The following RTN4RL1 variants were observed in gnomAD, a reference collection of about 807,000 sequenced individuals.
RTN4RL1 encodes reticulon-4 receptor-like 1.
A neutral mutation model predicts 25.6 loss-of-function variants in RTN4RL1; 7 were observed. The observed-to-expected ratio is 0.27, with a 90% CI of 0.16 to 0.51. RTN4RL1 has a LOEUF of 0.51. RTN4RL1 is among the 20% of genes least tolerant of loss of function. The pLI, the probability that RTN4RL1 is intolerant of heterozygous loss-of-function variation, is 0.97. For missense variants in RTN4RL1, 500 were observed against 615.6 expected (o/e 0.81, Z 1.99); for synonymous variants, 297 against 288.2 (o/e 1.03, Z -0.31).
rs566979762 is a variant in RTN4RL1, at chr17:1,991,459, A to C, written c.13+33394T>G. Among the ~76,000 whole-genome samples, 27 of 146,342 alleles carry C rather than the reference A, an allele frequency of 1.8e-4. 1 individual carries two copies. Among genetic ancestry groups the C allele is most frequent in the Middle Eastern group, 3.5e-3 (1 of 286 alleles). On this transcript the variant is annotated intron_variant, in intron 1 of 1. Coordinates refer to ENST00000331238, the MANE Select transcript of RTN4RL1 (RefSeq NM_178568.4). ...ACATGCACATAGTAAAAAAAAAAAAAAAAACAAAAAAAAACTTCAAAGAAC... is the reference window on the plus strand; with the variant it reads ...ACATGCACATAGTAAAAAAAAAAAACAAAACAAAAAAAAACTTCAAAGAAC...
At chr17:1,939,436 G>A (rs1441491602) in intron 1 of RTN4RL1, among the ~76,000 whole-genome samples, 1 of 151,854 alleles carries the variant, frequency 6.6e-6, no homozygotes, top group African/African-American at 2.4e-5. Context: ...CTGTGTGGAT[G>A]TCCTGAGAGG....
chr17:2,008,909 T>C (rs540198805), intron 1 of RTN4RL1, among the ~76,000 whole-genome samples: 47 of 151,884 alleles, frequency 3.1e-4, no homozygotes, highest in African/African-American at 1.1e-3. Context: ...TTATCCAGGG[T>C]GTGGCTTCTC....
chr17:1,955,902 T>C (rs1915784133), intron 1 of RTN4RL1, among the ~76,000 whole-genome samples: 1 of 152,084 alleles, frequency 6.6e-6, no homozygotes, highest in African/African-American at 2.4e-5. Flanking sequence ...GACTTGCCAG[T>C]TGTGGAAAAC....
chr17:2,023,975 A>G (rs2067243451), intron 1 of RTN4RL1, among the ~76,000 whole-genome samples: 1 of 151,746 alleles, frequency 6.6e-6, no homozygotes, highest in Non-Finnish European at 1.5e-5. Flanking sequence ...CTGGGAGGGG[A>G]GAGGCAGACG....
At chr17:1,970,532 C>A (rs2066814201) in intron 1 of RTN4RL1, among the ~76,000 whole-genome samples, 1 of 152,166 alleles carries the variant, frequency 6.6e-6, no homozygotes, top group Non-Finnish European at 1.5e-5. Context: ...TGGGAAGGGG[C>A]CCTCGTGGGA....
chr17:1,989,036 T>C (rs1426373398), intron 1 of RTN4RL1, among the ~76,000 whole-genome samples: 1 of 152,196 alleles, frequency 6.6e-6, no homozygotes, highest in African/African-American at 2.4e-5. Context: ...TATGATCACA[T>C]CGTGTTCCCT....
chr17:2,024,115 A>C lies in RTN4RL1; in HGVS notation c.13+738T>G, dbSNP rs575709362. Among the ~76,000 whole-genome samples, 3 of 152,188 alleles carry C rather than the reference A, an allele frequency of 2.0e-5. No homozygotes were observed. The East Asian group carries it at 5.8e-4, about 30-fold the overall frequency. On this transcript the variant is annotated intron_variant, in intron 1 of 1. Coordinates refer to ENST00000331238, the MANE Select transcript of RTN4RL1 (RefSeq NM_178568.4). ...GCGGCGGGACTTCCCCGGTGCCCGCACCAACTTTGCCGCGCTCCGTACCGG... is the reference window on the plus strand; with the variant it reads ...GCGGCGGGACTTCCCCGGTGCCCGCCCCAACTTTGCCGCGCTCCGTACCGG...
intron 1 of RTN4RL1, among the ~76,000 whole-genome samples, chr17:1,956,248 C>T (rs4790849): frequency 0.17 from 26,568 of 152,128 alleles, 2,419 homozygotes; most frequent in Admixed American, 0.19. Flanking sequence ...GGTAAACAGG[C>T]ACTCGTCAAA....
At chr17:1,973,223 G>A (rs1597503395) in intron 1 of RTN4RL1, among the ~76,000 whole-genome samples, 1 of 151,982 alleles carries the variant, frequency 6.6e-6, no homozygotes, top group East Asian at 1.9e-4. Context: ...AAATTAGCCG[G>A]GCGTAGTGGC....
Position 1,935,456 on chromosome 17 carries a change from C to T in RTN4RL1, c.*1040G>A. The T allele has an allele frequency of 1.5e-6, 1 of 658,214 alleles. No individual in the cohort carries two copies. The highest frequency in any genetic ancestry group is 1.9e-6 in the Non-Finnish European group (1 of 530,786). 40.8% of individuals were successfully genotyped at this position (658,214 alleles called of 1,614,324 possible). ...GCTCTAAATATCTAAGAATATTGGTCCCCCAAAGTGACTCTTGCTGCCTCC... is the reference window on the plus strand; with the variant it reads ...GCTCTAAATATCTAAGAATATTGGTTCCCCAAAGTGACTCTTGCTGCCTCC... On this transcript the variant is annotated 3_prime_UTR_variant, in exon 2 of 2. Coordinates refer to ENST00000331238, the MANE Select transcript of RTN4RL1 (RefSeq NM_178568.4).
chr17:1,966,655 C>G (rs2066792785), intron 1 of RTN4RL1, among the ~76,000 whole-genome samples: 1 of 152,140 alleles, frequency 6.6e-6, no homozygotes, highest in Non-Finnish European at 1.5e-5. Context: ...GGACTGCCCC[C>G]ACCCACTAAC....
At chr17:1,945,179 C>T (rs1203640386) in intron 1 of RTN4RL1, among the ~76,000 whole-genome samples, 1 of 152,204 alleles carries the variant, frequency 6.6e-6, no homozygotes, top group Non-Finnish European at 1.5e-5. Flanking sequence ...GCCTCTTCCT[C>T]AGGTGCCCCA....
At chr17:1,952,330 TGG>T (rs1915699847) in intron 1 of RTN4RL1, among the ~76,000 whole-genome samples, 1 of 86,882 alleles carries the variant, frequency 1.2e-5, no homozygotes, top group Non-Finnish European at 2.8e-5. Context: ...CAAGGGAGGT[TGG>T]TTTTTTTTTT....
At chr17:2,023,329 C>T (rs1019921491) in intron 1 of RTN4RL1, among the ~76,000 whole-genome samples, 1 of 152,216 alleles carries the variant, frequency 6.6e-6, no homozygotes, top group African/African-American at 2.4e-5. Context: ...CTTTTTGTCC[C>T]TTTCTGCAGG....
chr17:1,939,638 G>T (rs568134644), intron 1 of RTN4RL1, among the ~76,000 whole-genome samples: 1 of 152,278 alleles, frequency 6.6e-6, no homozygotes, highest in South Asian at 2.1e-4. Context: ...CATTAATTAG[G>T]CATTCGTTAA....
intron 1 of RTN4RL1, among the ~76,000 whole-genome samples, chr17:1,970,019 C>CTTTTTTTTT (rs59804703): frequency 1.4e-5 from 1 of 72,188 alleles, no homozygotes. Flanking sequence ...CTCTCTCTCT[C>CTTTTTTTTT]TTTTTTTTTT....
At chr17:1,964,788 CTTTTTTTT>C (rs34138766) in intron 1 of RTN4RL1, among the ~76,000 whole-genome samples, 2 of 124,716 alleles carry the variant, frequency 1.6e-5, no homozygotes, top group Non-Finnish European at 3.3e-5. Context: ...CTTTTCTTTT[CTTTTTTTT>C]TTTTTTTTTT....
At chr17:2,008,774 T>C (rs1467290938) in intron 1 of RTN4RL1, among the ~76,000 whole-genome samples, 1 of 152,044 alleles carries the variant, frequency 6.6e-6, no homozygotes, top group Non-Finnish European at 1.5e-5. Context: ...CTTTCCAACC[T>C]TCCTGTCAAG....
rs1003835310 is a variant in RTN4RL1, at chr17:1,955,756, G to A, written c.14-17948C>T. On this transcript the variant is annotated intron_variant, in intron 1 of 1. Transcript: ENST00000331238. ...CCACCACCATGCCCGGCGAATTTTT[G>A]TATTTTTAGTAGAGACAGGGTTTCG... is the stretch of plus-strand genomic sequence containing the variant. 7.9e-5 allele frequency among the ~76,000 whole-genome samples: 12 copies of A among 151,738 alleles called. 2 individuals are homozygous for A. The South Asian group carries it at 2.5e-3, about 32-fold the overall frequency.
Sources: gnomAD v4.1 joint callset for allele counts (sites outside exome capture counted in the v4.1 genomes callset) on GRCh38, gnomAD v4.1.1 for gene constraint, MANE v1.5 for transcripts, NCBI Gene and HGNC (gene_info 2026-07-23, HGNC 2026-07-21) for gene names.